The following COBLL1 variants were observed in gnomAD, a reference collection of about 807,000 sequenced individuals.
COBLL1 encodes the protein cordon-bleu protein-like 1.
A neutral mutation model predicts 94.8 loss-of-function variants in COBLL1; 50 were observed. The ratio of observed to expected loss-of-function variants is 0.53; its 90% CI spans 0.42 to 0.67. COBLL1 has a LOEUF of 0.67. COBLL1 is among the 30% of genes least tolerant of loss of function. The probability of loss-of-function intolerance (pLI) is 0.00; values close to 1 mark genes in which losing one functional copy is unlikely to be tolerated. For missense variants in COBLL1, 1,362 were observed against 1,348.7 expected, an observed-to-expected ratio of 1.01 and a Z score of -0.15; for synonymous variants, 448 against 473.8, an observed-to-expected ratio of 0.95 and a Z score of 0.71.
intron 2 of COBLL1, among the ~76,000 whole-genome samples, chr2:164,791,293 C>G (rs1218955034): frequency 2.0e-5 from 3 of 152,058 alleles, no homozygotes; most frequent in Admixed American, 2.0e-4. Context: ...ATATATTAAT[C>G]AAATATTTAT....
intron 2 of COBLL1, among the ~76,000 whole-genome samples, chr2:164,792,957 C>A (rs1347208976): frequency 6.6e-6 from 1 of 152,086 alleles, no homozygotes; most frequent in Non-Finnish European, 1.5e-5. Context: ...CCCTACAGTT[C>A]CTCCCCATAA....
chr2:164,781,149 A>G (rs1034176634), intron 2 of COBLL1, among the ~76,000 whole-genome samples: 2 of 152,256 alleles, frequency 1.3e-5, no homozygotes, highest in Non-Finnish European at 2.9e-5. Context: ...TACCTTTTAC[A>G]TACATCACAG....
At chr2:164,717,204 G>A (rs935786343) in intron 7 of COBLL1, among the ~76,000 whole-genome samples, 3 of 152,026 alleles carry the variant, frequency 2.0e-5, no homozygotes, top group Non-Finnish European at 4.4e-5. Context: ...GTCAAACAGC[G>A]CACCCTTGTG....
chr2:164,807,279 C>T (rs565718055), intron 2 of COBLL1, among the ~76,000 whole-genome samples: 2 of 148,080 alleles, frequency 1.4e-5, no homozygotes, highest in Non-Finnish European at 3.0e-5. Context: ...AACCCCATCT[C>T]TACTAAAAAT....
chr2:164,752,555 C>A (rs1338834115), intron 2 of COBLL1, among the ~76,000 whole-genome samples: 2 of 152,154 alleles, frequency 1.3e-5, no homozygotes, highest in Non-Finnish European at 1.5e-5. Context: ...GTTACCACTG[C>A]CATTTAGTTG....
chr2:164,761,352 G>A (rs1298089834), intron 2 of COBLL1: 1 of 152,082 alleles, frequency 6.6e-6, no homozygotes, highest in Non-Finnish European at 1.5e-5. Context: ...AGGTTGCAGT[G>A]AGCCAAGCTC....
chr2:164,701,741 GT>G (rs1684275425), intron 9 of COBLL1, among the ~76,000 whole-genome samples: 1 of 152,292 alleles, frequency 6.6e-6, no homozygotes, highest in Admixed American at 6.5e-5. Context: ...ATCCTGAGCA[GT>G]TAATGTTCAT....
rs1684131655 is a variant in COBLL1, at chr2:164,699,484, T to C, written c.1476A>G (p.Val492=). ...KSTDGQEPHS[V]VYDTSNGKKV... is the part of the protein sequence containing the mutation. ...TCTTTCCATTGCTTGTATCATATAC[T>C]ACACTGTGTGGTTCTCTGGAAGATA... The change falls in exon 11 of 14, where the codon GTA becomes GTG. Residue 492 remains valine (V), a synonymous_variant. Coordinates refer to ENST00000652658, the MANE Select transcript of COBLL1 (RefSeq NM_001365672.2). 1 of 1,610,228 alleles carries C rather than the reference T, an allele frequency of 6.2e-7. No individual in the cohort carries two copies. Among genetic ancestry groups the C allele is most frequent in the Non-Finnish European group, 8.5e-7 (1 of 1,176,812 alleles).
At chr2:164,795,581 A>G (rs576669719) in intron 2 of COBLL1, among the ~76,000 whole-genome samples, 24 of 152,256 alleles carry the variant, frequency 1.6e-4, no homozygotes, top group South Asian at 6.2e-4. Flanking sequence ...TGTCTTCATC[A>G]CAACTTCTTA....
intron 2 of COBLL1, among the ~76,000 whole-genome samples, chr2:164,829,035 C>T (rs962778170): frequency 2.6e-5 from 4 of 152,112 alleles, no homozygotes; most frequent in African/African-American, 9.7e-5. Flanking sequence ...TTCTCTTTTG[C>T]TTTTTGTGAC....
intron 5 of COBLL1, chr2:164,723,022 T>C (rs1299455955): frequency 6.6e-6 from 1 of 152,222 alleles, no homozygotes; most frequent in African/African-American, 2.4e-5. Flanking sequence ...ATTTCTTTAA[T>C]AGGGTGGGTC....
intron 2 of COBLL1, among the ~76,000 whole-genome samples, chr2:164,838,262 CCAAA>C (rs1683416583): frequency 1.3e-5 from 2 of 152,104 alleles, no homozygotes; most frequent in Admixed American, 6.5e-5. Flanking sequence ...TGTGAAGGCA[CCAAA>C]CAAACTTCAA....
intron 1 of COBLL1, among the ~76,000 whole-genome samples, chr2:164,671,656 G>C (rs1256914655): frequency 1.3e-5 from 2 of 151,918 alleles, no homozygotes; most frequent in East Asian, 3.9e-4. Flanking sequence ...GACTCATATT[G>C]CTTCCAGAGC....
intron 2 of COBLL1, among the ~76,000 whole-genome samples, chr2:164,833,786 A>G (rs1683198411): frequency 6.6e-6 from 1 of 152,198 alleles, no homozygotes; most frequent in South Asian, 2.1e-4. Context: ...AAAATGCTCC[A>G]AAATTCAACT....
intron 2 of COBLL1, among the ~76,000 whole-genome samples, chr2:164,802,481 A>C (rs1683859011): frequency 6.6e-6 from 1 of 152,230 alleles, no homozygotes; most frequent in African/African-American, 2.4e-5. Context: ...TACTTGGCCC[A>C]ATACAGCAGG....
intron 2 of COBLL1, among the ~76,000 whole-genome samples, chr2:164,832,472 C>T (rs1024361165): frequency 2.0e-5 from 3 of 152,166 alleles, no homozygotes; most frequent in Admixed American, 6.5e-5. Flanking sequence ...TCAACCTACA[C>T]ATCATATTTA....
At chr2:164,730,416 C>T (rs574175028) in intron 3 of COBLL1, among the ~76,000 whole-genome samples, 13 of 151,562 alleles carry the variant, frequency 8.6e-5, no homozygotes, top group East Asian at 5.8e-4. Flanking sequence ...GAGAACAACA[C>T]GAGCTCTGGA....
chr2:164,701,259 C>G (rs1411340405), intron 9 of COBLL1, among the ~76,000 whole-genome samples: 1 of 152,162 alleles, frequency 6.6e-6, no homozygotes, highest in East Asian at 1.9e-4. Flanking sequence ...GGCTCACACC[C>G]TACTCCACAA....
At chr2:164,722,042 CA>C (rs762462513) in intron 7 of COBLL1, 32 bp downstream of exon 7, 2 of 1,507,822 alleles carry the variant, frequency 1.3e-6, no homozygotes, top group Non-Finnish European at 1.8e-6. Context: ...CTGCCTCATC[CA>C]AAAAAACAAA....
Sources: allele counts gnomAD v4.1 joint callset (sites outside exome capture counted in the v4.1 genomes callset), GRCh38; gene constraint gnomAD v4.1.1; transcripts MANE v1.5; gene names NCBI Gene and HGNC (gene_info 2026-07-23, HGNC 2026-07-21).